RBFOX1: variants seen among roughly 807,000 people sequenced by gnomAD.
The protein encoded by RBFOX1 is RNA binding fox-1 homolog 1.
In RBFOX1, 8 loss-of-function variants were observed where a neutral mutation model predicts 57.7. The observed-to-expected ratio is 0.14, with a 90% CI of 0.08 to 0.25. The LOEUF (loss-of-function observed/expected upper bound fraction) is 0.25, where lower values mean the gene tolerates loss of function less well. RBFOX1 is among the 10% of genes least tolerant of loss of function. RBFOX1 has a pLI of 1.00. For synonymous variants in RBFOX1, 326 were observed against 222.4 expected, an observed-to-expected ratio of 1.47 and a Z score of -4.15; for missense variants, 611 against 548.5, an observed-to-expected ratio of 1.11 and a Z score of -1.14.
At chr16:6,296,772 C>A (rs888754193) in intron 1 of RBFOX1, among the ~76,000 whole-genome samples, 29 of 152,240 alleles carry the variant, frequency 1.9e-4, no homozygotes, top group South Asian at 4.2e-4. Flanking sequence ...GTGATCAGAT[C>A]CACATGAGTT....
chr16:6,898,108 C>A (rs749238404), intron 3 of RBFOX1, among the ~76,000 whole-genome samples: 10 of 152,182 alleles, frequency 6.6e-5, no homozygotes, highest in Non-Finnish European at 1.3e-4. Context: ...CGAGTAAATT[C>A]CACACCATAT....
chr16:6,333,130 C>G (rs980297596), intron 2 of RBFOX1, among the ~76,000 whole-genome samples: 24 of 152,146 alleles, frequency 1.6e-4, no homozygotes, highest in African/African-American at 5.8e-4. Context: ...GCCTCTGTCT[C>G]CCGGGCTCAA....
chr16:6,245,354 C>T (rs923438481), intron 1 of RBFOX1, among the ~76,000 whole-genome samples: 1 of 152,024 alleles, frequency 6.6e-6, no homozygotes, highest in African/African-American at 2.4e-5. Flanking sequence ...TTGATAATGG[C>T]TTTTTATGGT....
At chr16:6,238,455 G>A (rs868335519) in intron 1 of RBFOX1, among the ~76,000 whole-genome samples, 3 of 152,136 alleles carry the variant, frequency 2.0e-5, no homozygotes, top group Non-Finnish European at 4.4e-5. Context: ...TGGCATGGTG[G>A]AAATTGCCAG....
intron 2 of RBFOX1, among the ~76,000 whole-genome samples, chr16:6,621,388 C>T (rs370011010): frequency 3.9e-5 from 6 of 152,268 alleles, no homozygotes; most frequent in East Asian, 1.9e-4. Context: ...GGCGTGAACC[C>T]GGGAGGCGGA....
At chr16:6,657,980 C>G (rs751288132) in intron 3 of RBFOX1, among the ~76,000 whole-genome samples, 18 of 151,810 alleles carry the variant, frequency 1.2e-4, no homozygotes, top group Non-Finnish European at 1.3e-4. Context: ...CCAGATATTC[C>G]ACATATATGG....
chr16:6,607,995 C>CT (rs1168782603), intron 2 of RBFOX1, among the ~76,000 whole-genome samples: 1 of 152,164 alleles, frequency 6.6e-6, no homozygotes, highest in East Asian at 1.9e-4. Flanking sequence ...ACTGGGAAGG[C>CT]TTTGGTAGGT....
intron 4 of RBFOX1, among the ~76,000 whole-genome samples, chr16:7,496,747 G>GAAAAAAAAAA (rs71150303): frequency 7.8e-6 from 1 of 127,504 alleles, no homozygotes; most frequent in Non-Finnish European, 1.6e-5. Flanking sequence ...CTACAGAACA[G>GAAAAAAAAAA]AAAAAAAAAA....
chr16:6,023,007 C>T (rs2095114038), intron 1 of RBFOX1, among the ~76,000 whole-genome samples: 2 of 152,002 alleles, frequency 1.3e-5, no homozygotes, highest in South Asian at 4.2e-4. Context: ...AATCGTCAAA[C>T]TCATAGAAGC....
In RBFOX1 at chr16:6,561,529, T is replaced by G. The variant is rs528818302; in HGVS notation, c.-63-93074T>G. ...TATGGGTTTAATGTTGTTTTGAATA[T>G]GAACACAGTATAAAGGAAGATGTGT... On this transcript the variant is annotated intron_variant, in intron 2 of 15. Coordinates refer to ENST00000550418, the MANE Select transcript of RBFOX1 (RefSeq NM_018723.4). 2.0e-5 allele frequency among the ~76,000 whole-genome samples: 3 copies of G among 152,320 alleles called. No homozygotes were observed. In the South Asian group the frequency reaches 6.2e-4, roughly 32 times the overall value.
intron 2 of RBFOX1, chr16:6,483,382 C>A (rs981240316): frequency 3.3e-6 from 5 of 1,525,700 alleles, no homozygotes; most frequent in Non-Finnish European, 4.4e-6. Context: ...GCGGCGCGCA[C>A]GACAGATGAC....
intron 2 of RBFOX1, among the ~76,000 whole-genome samples, chr16:6,567,903 C>T (rs2097289855): frequency 6.6e-6 from 1 of 152,260 alleles, no homozygotes; most frequent in East Asian, 1.9e-4. Flanking sequence ...TTGCTGGAGC[C>T]TTGAACTGCC....
chr16:6,278,091 T>C (rs1485113961), intron 1 of RBFOX1, among the ~76,000 whole-genome samples: 1 of 152,118 alleles, frequency 6.6e-6, no homozygotes, highest in Non-Finnish European at 1.5e-5. Context: ...TTAATTTTTA[T>C]GCCATATAAA....
At chr16:6,347,688 C>G (rs1260068679) in intron 2 of RBFOX1, among the ~76,000 whole-genome samples, 3 of 152,138 alleles carry the variant, frequency 2.0e-5, no homozygotes, top group Non-Finnish European at 2.9e-5. Context: ...ATTATTATAT[C>G]CTATGTTCAC....
intron 1 of RBFOX1, among the ~76,000 whole-genome samples, chr16:6,223,305 A>T (rs2097390353): frequency 6.6e-6 from 1 of 150,760 alleles, no homozygotes; most frequent in Admixed American, 6.6e-5. Context: ...GAACTAGTTT[A>T]CAGTCCCAAC....
intron 2 of RBFOX1, among the ~76,000 whole-genome samples, chr16:6,355,325 C>G (rs1451996555): frequency 1.3e-5 from 2 of 152,040 alleles, no homozygotes; most frequent in Non-Finnish European, 2.9e-5. Context: ...TGATGTTCCC[C>G]TCCCTATATC....
intron 4 of RBFOX1, among the ~76,000 whole-genome samples, chr16:7,261,190 G>A (rs2094905963): frequency 6.6e-6 from 1 of 152,204 alleles, no homozygotes; most frequent in Non-Finnish European, 1.5e-5. Flanking sequence ...TTGGCTGTGT[G>A]AATTTGGGTA....
intron 1 of RBFOX1, among the ~76,000 whole-genome samples, chr16:5,247,665 C>G (rs886677858): frequency 7.9e-5 from 12 of 152,220 alleles, no homozygotes; most frequent in African/African-American, 2.4e-4. Flanking sequence ...GGCTGCTTTC[C>G]TGCTACATTG....
intron 2 of RBFOX1, among the ~76,000 whole-genome samples, chr16:6,643,479 G>A (rs1350282280): frequency 6.6e-6 from 1 of 152,138 alleles, no homozygotes; most frequent in Non-Finnish European, 1.5e-5. Context: ...CACAGACTCT[G>A]AAGAATTCTG....
Sources: allele counts gnomAD v4.1 joint callset (sites outside exome capture counted in the v4.1 genomes callset), GRCh38; gene constraint gnomAD v4.1.1; transcripts MANE v1.5; gene names NCBI Gene and HGNC (gene_info 2026-07-23, HGNC 2026-07-21).